ALDH5A1: variants seen among roughly 807,000 people sequenced by gnomAD.
The protein encoded by ALDH5A1 is aldehyde dehydrogenase 5 family member A1.
In ALDH5A1, 33 loss-of-function variants were observed where a neutral mutation model predicts 54.7. The ratio of observed to expected loss-of-function variants is 0.60; its 90% CI spans 0.46 to 0.81. ALDH5A1 has a LOEUF of 0.81. Among genes scored for constraint, ALDH5A1 ranks in the 30% least tolerant of loss-of-function variants. ALDH5A1 has a pLI of 0.00. For missense variants in ALDH5A1, 657 were observed against 711.0 expected (o/e 0.92, Z 0.86); for synonymous variants, 294 against 292.7 (o/e 1.00, Z -0.05).
intron 4 of ALDH5A1, among the ~76,000 whole-genome samples, chr6:24,505,254 T>TTAA (rs1759316130): frequency 1.3e-5 from 2 of 152,234 alleles, no homozygotes; most frequent in Non-Finnish European, 2.9e-5. Context: ...AACTAGGCAC[T>TTAA]TAAACATGGG....
rs1764661725 is a variant in ALDH5A1, at chr6:24,495,080, C to T, written c.84C>T (p.Ala28=). The T allele has an allele frequency of 2.3e-6, 3 of 1,319,886 alleles. No homozygotes were observed. Among genetic ancestry groups the T allele is most frequent in the Non-Finnish European group, 2.9e-6 (3 of 1,036,582 alleles). 81.8% of individuals were successfully genotyped at this position (1,319,886 alleles called of 1,614,324 possible). The change falls in exon 1 of 10, where the codon GCC becomes GCT. Residue 28 remains alanine, a synonymous_variant. Transcript: ENST00000357578. ...CAGGCTGCCGCCTCCGCCCCCGCGC[C>T]GGCGGCCTGGTCCCTGCCTCCGGGC... is the stretch of plus-strand genomic sequence containing the variant. ...TFPGCRLRPR[A]GGLVPASGPA...
At chr6:24,526,974 GTATATA>G (rs58873176) in intron 7 of ALDH5A1, among the ~76,000 whole-genome samples, 11 of 30,598 alleles carry the variant, frequency 3.6e-4, no homozygotes, top group Admixed American at 6.9e-4. Context: ...ATGTGTGTGT[GTATATA>G]TATATATATA....
chr6:24,504,109 T>C (rs1444389188), intron 3 of ALDH5A1, among the ~76,000 whole-genome samples: 1 of 152,194 alleles, frequency 6.6e-6, no homozygotes, highest in Non-Finnish European at 1.5e-5. Context: ...CTGGCTAGGT[T>C]TGACTTGAAG....
chr6:24,522,110 T>G (rs1394826733), intron 6 of ALDH5A1, among the ~76,000 whole-genome samples: 1 of 152,034 alleles, frequency 6.6e-6, no homozygotes, highest in Non-Finnish European at 1.5e-5. Flanking sequence ...CCTCCCAAAG[T>G]GCTGGGGTTA....
chr6:24,522,282 G>A (rs906878195), intron 6 of ALDH5A1, among the ~76,000 whole-genome samples: 4 of 152,146 alleles, frequency 2.6e-5, no homozygotes, highest in Admixed American at 2.0e-4. Context: ...CTCCAGCCTG[G>A]GCGACAGAGC....
At chr6:24,532,593 G>C (rs1041352008) in intron 9 of ALDH5A1, among the ~76,000 whole-genome samples, 2 of 152,186 alleles carry the variant, frequency 1.3e-5, no homozygotes, top group African/African-American at 2.4e-5. Flanking sequence ...AAGGAGTGAA[G>C]ATGGTGTGTG....
intron 7 of ALDH5A1, among the ~76,000 whole-genome samples, chr6:24,523,711 G>A (rs1482505678): frequency 1.3e-5 from 2 of 152,172 alleles, no homozygotes; most frequent in Admixed American, 1.3e-4. Flanking sequence ...TGCTGATGTT[G>A]TCCTGTTCTT....
chr6:24,504,066 T>C (rs1759266984), intron 3 of ALDH5A1, among the ~76,000 whole-genome samples: 1 of 152,220 alleles, frequency 6.6e-6, no homozygotes. Context: ...CTGCTCAGCA[T>C]AGTTACAGAC....
chr6:24,515,572 A>G (rs1240834339), intron 5 of ALDH5A1, among the ~76,000 whole-genome samples: 3 of 152,106 alleles, frequency 2.0e-5, no homozygotes, highest in Admixed American at 6.5e-5. Context: ...AAATACAACA[A>G]TTAACCAGGC....
chr6:24,505,967 C>CA lies in ALDH5A1; in HGVS notation c.726+993dup, dbSNP rs1042683664. 2.2e-3 allele frequency among the ~76,000 whole-genome samples: 324 copies of CA among 146,220 alleles called. 2 individuals carry two copies. Among genetic ancestry groups the CA allele is most frequent in the African/African-American group, 6.9e-3 (275 of 40,052 alleles). On this transcript the variant is annotated intron_variant, in intron 4 of 9. Coordinates refer to ENST00000357578, the MANE Select transcript of ALDH5A1 (RefSeq NM_001080.3). ...TGGGCAACAGAGTGAGACTCAGTCT[C>CA]AAAAAAAAAAATCACAACCTCACAC...
At chr6:24,508,388 A>G (rs527973753) in intron 4 of ALDH5A1, among the ~76,000 whole-genome samples, 3 of 106,952 alleles carry the variant, frequency 2.8e-5, no homozygotes, top group Non-Finnish European at 3.7e-5. Flanking sequence ...AAAAAAAAAA[A>G]GATTAATAGT....
chr6:24,508,582 ATGTGCAAGTATCTTTT>A (rs1759406263), intron 4 of ALDH5A1, among the ~76,000 whole-genome samples: 1 of 152,048 alleles, frequency 6.6e-6, no homozygotes, highest in Non-Finnish European at 1.5e-5. Context: ...ATAAACGTGC[ATGTGCAAGTATCTTTT>A]CTGTATAATG....
chr6:24,522,408 C>T (rs936281825), intron 6 of ALDH5A1, among the ~76,000 whole-genome samples: 1 of 151,750 alleles, frequency 6.6e-6, no homozygotes, highest in African/African-American at 2.4e-5. Flanking sequence ...TCTTTCCCCA[C>T]CCCCCAGGGA....
chr6:24,524,619 T>A (rs1165049357), intron 7 of ALDH5A1, among the ~76,000 whole-genome samples: 1 of 152,230 alleles, frequency 6.6e-6, no homozygotes, highest in African/African-American at 2.4e-5. Flanking sequence ...AGAGCTCTGA[T>A]AAATTTCTAG....
chr6:24,504,751 A>T, intron 3 of ALDH5A1, 118 bp from the exon 4 acceptor site: 1 of 1,027,244 alleles, frequency 9.7e-7, no homozygotes. Context: ...GTGCAGCCAA[A>T]CGGGTTTGTC....
Position 24,515,184 on chromosome 6 carries a change from G to T in ALDH5A1, c.744G>T (p.Gly248=). The T allele has an allele frequency of 6.2e-7, 1 of 1,611,660 alleles. No individual in the cohort carries two copies. The highest frequency in any genetic ancestry group is 2.2e-5 in the East Asian group (1 of 44,776). The change falls in exon 5 of 10, where the codon GGG becomes GGT. Residue 248 remains glycine (G), a synonymous_variant. Coordinates refer to ENST00000357578, the MANE Select transcript of ALDH5A1 (RefSeq NM_001080.3). The part of the protein sequence containing the change: ...LALAELASQA[G]IPSGVYNVIP... ...CTTTATAGCTTGCAAGCCAGGCTGG[G>T]ATTCCTTCAGGTGTATACAATGTTA...
intron 4 of ALDH5A1, 93 bp from the exon 5 acceptor site, chr6:24,515,074 G>T (rs1759536486): frequency 1.5e-6 from 2 of 1,366,912 alleles, no homozygotes; most frequent in African/African-American, 1.5e-5. Flanking sequence ...ATTACTTTTT[G>T]GGTTAAGTAT....
At chr6:24,524,575 C>T (rs942565541) in intron 7 of ALDH5A1, among the ~76,000 whole-genome samples, 2 of 152,194 alleles carry the variant, frequency 1.3e-5, no homozygotes, top group African/African-American at 4.8e-5. Context: ...ACATCCATTG[C>T]CTTGGGAAAC....
chr6:24,532,201 A>G, intron 9 of ALDH5A1, 24 bp downstream of exon 9: 4 of 1,611,018 alleles, frequency 2.5e-6, no homozygotes, highest in Non-Finnish European at 2.5e-6. Flanking sequence ...CTTGTTCAAT[A>G]CCAGTCATAA....
Sources: gnomAD v4.1 joint callset for allele counts (sites outside exome capture counted in the v4.1 genomes callset) on GRCh38, gnomAD v4.1.1 for gene constraint, MANE v1.5 for transcripts, NCBI Gene and HGNC (gene_info 2026-07-23, HGNC 2026-07-21) for gene names.